Variants in KCNQ3 observed in about 807,000 individuals in gnomAD.
The protein encoded by KCNQ3 is potassium voltage-gated channel subfamily Q member 3, also known as potassium voltage-gated channel subfamily KQT member 3.
A neutral mutation model predicts 92.5 loss-of-function variants in KCNQ3; 30 were observed. The ratio of observed to expected loss-of-function variants is 0.32; its 90% CI spans 0.24 to 0.44. The LOEUF (loss-of-function observed/expected upper bound fraction) is 0.44. Ranked by LOEUF, KCNQ3 falls within the 20% of genes least tolerant of loss-of-function variation. KCNQ3 has a pLI of 1.00. For missense variants in KCNQ3, 913 were observed against 1,140.3 expected, an observed-to-expected ratio of 0.80 and a Z score of 2.87; for synonymous variants, 450 against 468.8, an observed-to-expected ratio of 0.96 and a Z score of 0.52.
At chr8:132,202,803 G>T (rs1180878416) in intron 1 of KCNQ3, among the ~76,000 whole-genome samples, 1 of 152,094 alleles carries the variant, frequency 6.6e-6, no homozygotes, top group Non-Finnish European at 1.5e-5. Flanking sequence ...CTGGATACAG[G>T]CTTTTTCTAG....
intron 1 of KCNQ3, among the ~76,000 whole-genome samples, chr8:132,218,137 A>G (rs571476512): frequency 5.3e-4 from 80 of 152,262 alleles, no homozygotes; most frequent in Non-Finnish European, 9.6e-4. Context: ...CCTGTACCCC[A>G]CGGAGAAAAA....
intron 3 of KCNQ3, among the ~76,000 whole-genome samples, chr8:132,182,194 A>G (rs1181058071): frequency 6.6e-6 from 1 of 152,206 alleles, no homozygotes; most frequent in Non-Finnish European, 1.5e-5. Flanking sequence ...ATCATTTGCC[A>G]GGCTTCTCAG....
intron 9 of KCNQ3, among the ~76,000 whole-genome samples, chr8:132,147,657 A>G (rs1456880482): frequency 6.6e-6 from 1 of 152,176 alleles, no homozygotes; most frequent in African/African-American, 2.4e-5. Flanking sequence ...AGATGGGTGC[A>G]TGGATGATAG....
At chr8:132,310,382 G>A (rs549650333) in intron 1 of KCNQ3, among the ~76,000 whole-genome samples, 33 of 152,238 alleles carry the variant, frequency 2.2e-4, no homozygotes, top group Non-Finnish European at 3.1e-4. Flanking sequence ...TGAATCTATT[G>A]ACCACAGCTT....
At chr8:132,224,846 C>A (rs1451944162) in intron 1 of KCNQ3, among the ~76,000 whole-genome samples, 1 of 152,002 alleles carries the variant, frequency 6.6e-6, no homozygotes, top group Admixed American at 6.6e-5. Context: ...AATGGTTATT[C>A]AACTAATTGG....
chr8:132,146,881 C>CAAGCCTGGCTAATTTTTGTATT (rs1825466210), intron 9 of KCNQ3, among the ~76,000 whole-genome samples: 2 of 152,162 alleles, frequency 1.3e-5, no homozygotes, highest in African/African-American at 4.8e-5. Context: ...TAGTTTCAAA[C>CAAGCCTGGCTAATTTTTGTATT]TCTTGAGCTC....
chr8:132,349,685 G>A (rs1249792249), intron 1 of KCNQ3, among the ~76,000 whole-genome samples: 2 of 152,178 alleles, frequency 1.3e-5, no homozygotes, highest in Non-Finnish European at 2.9e-5. Flanking sequence ...GAGACCTGCA[G>A]AGCAGACCTG....
intron 1 of KCNQ3, among the ~76,000 whole-genome samples, chr8:132,384,713 C>T (rs1343789276): frequency 1.3e-5 from 2 of 152,178 alleles, no homozygotes; most frequent in East Asian, 3.8e-4. Context: ...AAGAGCAGGA[C>T]TCATAACTTT....
rs969727879 is a variant in KCNQ3, at chr8:132,125,109, G to A, written c.*4153C>T. ...GTATCAATCTTAGCAGGGATTAGGAGACAAGAAGAAAGCTGGTTTCTCCAA... is the reference window on the plus strand; with the variant it reads ...GTATCAATCTTAGCAGGGATTAGGAAACAAGAAGAAAGCTGGTTTCTCCAA... On this transcript the variant is annotated 3_prime_UTR_variant, in exon 15 of 15. Transcript: ENST00000388996. 1.3e-5 allele frequency: 2 copies of A among 152,174 alleles called. No homozygotes were observed. The highest frequency in any genetic ancestry group is 2.9e-5 in the Non-Finnish European group (2 of 68,046). The allele number at this position is 152,174 out of a possible 1,614,324, so 9.4% of individuals were successfully genotyped here. A position where few individuals can be genotyped will look rare whatever the true frequency, so the allele number is the denominator to read the frequency against.
chr8:132,156,729 C>T (rs1825805733), intron 9 of KCNQ3, among the ~76,000 whole-genome samples: 1 of 152,180 alleles, frequency 6.6e-6, no homozygotes, highest in Admixed American at 6.5e-5. Flanking sequence ...CCCACACAAA[C>T]ATGTAGTATC....
intron 14 of KCNQ3, 99 bp from the exon 15 acceptor site, chr8:132,130,095 T>TTG: frequency 1.4e-6 from 2 of 1,386,872 alleles, no homozygotes; most frequent in Middle Eastern, 2.6e-4. Flanking sequence ...TTTTTTTTTT[T>TTG]TTTTTGAGAC....
At chr8:132,398,560 A>T (rs139250444) in intron 1 of KCNQ3, among the ~76,000 whole-genome samples, 62 of 152,364 alleles carry the variant, frequency 4.1e-4, no homozygotes, top group African/African-American at 1.4e-3. Flanking sequence ...ACATTTCATT[A>T]AAGGTTACTT....
intron 1 of KCNQ3, among the ~76,000 whole-genome samples, chr8:132,346,661 C>A (rs1818697426): frequency 1.3e-5 from 2 of 152,252 alleles, no homozygotes; most frequent in African/African-American, 4.8e-5. Context: ...CAAACTCCTT[C>A]ATGTTTGCCT....
Position 132,125,529 on chromosome 8 carries a change from AC to A in KCNQ3, c.*3732del. 6.6e-6 allele frequency: 1 copy of A among 152,188 alleles called. No homozygotes were observed. The highest frequency in any genetic ancestry group is 1.9e-4 in the East Asian group (1 of 5,174). 9.4% of individuals were successfully genotyped at this position (152,188 alleles called of 1,614,324 possible). ...CTGGGCATATATTGGTGCTTAATAA[AC>A]CCTGTTAAATGAATAAACAAATGAT... On this transcript the variant is annotated 3_prime_UTR_variant, in exon 15 of 15. Coordinates refer to ENST00000388996, the MANE Select transcript of KCNQ3 (RefSeq NM_004519.4).
intron 1 of KCNQ3, among the ~76,000 whole-genome samples, chr8:132,211,952 C>CAAAA (rs200457183): frequency 1.6e-5 from 1 of 62,664 alleles, no homozygotes; most frequent in African/African-American, 4.4e-5. Context: ...GACTCCATCT[C>CAAAA]AAAAAAAAAA....
At chr8:132,198,675 C>T (rs1346322463) in intron 1 of KCNQ3, among the ~76,000 whole-genome samples, 3 of 151,988 alleles carry the variant, frequency 2.0e-5, no homozygotes, top group South Asian at 2.1e-4. Flanking sequence ...GGCATGGTGG[C>T]GGGTGCCTGC....
intron 1 of KCNQ3, among the ~76,000 whole-genome samples, chr8:132,377,685 G>A (rs1265424616): frequency 1.3e-5 from 2 of 152,176 alleles, no homozygotes; most frequent in Non-Finnish European, 2.9e-5. Context: ...CACAGTGATA[G>A]GTAAATAGTG....
At chr8:132,299,074 C>A (rs910487143) in intron 1 of KCNQ3, among the ~76,000 whole-genome samples, 1 of 151,402 alleles carries the variant, frequency 6.6e-6, no homozygotes, top group African/African-American at 2.4e-5. Context: ...TTCCCATAGG[C>A]AACCAAGGTT....
intron 1 of KCNQ3, among the ~76,000 whole-genome samples, chr8:132,208,789 G>A (rs1813754230): frequency 6.6e-6 from 1 of 152,178 alleles, no homozygotes; most frequent in African/African-American, 2.4e-5. Flanking sequence ...ATTGTAAGAT[G>A]TTGGGTGGGA....
Sources: allele counts gnomAD v4.1 joint callset (sites outside exome capture counted in the v4.1 genomes callset), GRCh38; gene constraint gnomAD v4.1.1; transcripts MANE v1.5; gene names NCBI Gene and HGNC (gene_info 2026-07-23, HGNC 2026-07-21).